The following PDPR variants were observed in gnomAD, a reference collection of about 807,000 sequenced individuals.
PDPR encodes the protein pyruvate dehydrogenase phosphatase regulatory subunit, also known as pyruvate dehydrogenase phosphatase regulatory subunit, mitochondrial.
Under a neutral mutation model 102.2 loss-of-function variants are expected in PDPR, and 50 were observed. That is an observed-to-expected ratio of 0.49 (90% CI 0.39 to 0.62). The LOEUF is 0.62. Among genes scored for constraint, PDPR ranks in the 20% least tolerant of loss-of-function variants. The probability of loss-of-function intolerance (pLI) is 0.00; values close to 1 mark genes in which losing one functional copy is unlikely to be tolerated. For missense variants in PDPR, 625 were observed against 1,098.2 expected (o/e 0.57, Z 6.09); for synonymous variants, 259 against 406.0 (o/e 0.64, Z 4.35).
chr16:70,142,388 G>T lies in PDPR; in HGVS notation c.1470G>T (p.Lys490Asn), dbSNP rs374606026. The change falls in exon 12 of 19, where the codon AAG becomes AAT. Residue 490 changes from lysine (K) to asparagine (N), a missense_variant and splice_region_variant. Physicochemically the swap from Lys to Asn is moderately conservative, Grantham distance 94. Transcript: ENST00000288050. The stretch of plus-strand genomic sequence containing the variant: ...CAAAGTACTTTGTTCCCCCCGACAA[G>T]GGTAAGAAGTCACATTCTCATTTTT... ...ERPKYFVPPD[K>N]DLLALEQSKT... 40 of 1,613,824 alleles carry T rather than the reference G, an allele frequency of 2.5e-5. No individual in the cohort carries two copies. The African/African-American group carries it at 4.9e-4, about 20-fold the overall frequency.
intron 9 of PDPR, among the ~76,000 whole-genome samples, chr16:70,135,052 G>A (rs1964971728): frequency 6.6e-6 from 1 of 152,190 alleles, no homozygotes; most frequent in African/African-American, 2.4e-5. Flanking sequence ...GGCGAGACTG[G>A]AGACTATGTG....
intron 17 of PDPR, among the ~76,000 whole-genome samples, chr16:70,152,586 A>G (rs1480168927): frequency 6.6e-6 from 1 of 152,290 alleles, no homozygotes; most frequent in Non-Finnish European, 1.5e-5. Flanking sequence ...GTTCAGCTAC[A>G]GTGGTGCAGT....
At chr16:70,124,890 T>C (rs1402880976) in intron 3 of PDPR, among the ~76,000 whole-genome samples, 1 of 152,276 alleles carries the variant, frequency 6.6e-6, no homozygotes, top group Non-Finnish European at 1.5e-5. Context: ...GATAAATAAT[T>C]TGGGGAAAAT....
At chr16:70,133,848 C>G (rs1179380688) in intron 9 of PDPR, among the ~76,000 whole-genome samples, 1 of 152,210 alleles carries the variant, frequency 6.6e-6, no homozygotes, top group Non-Finnish European at 1.5e-5. Flanking sequence ...ATTCTCCTGC[C>G]TCAGCCTCCT....
intron 11 of PDPR, among the ~76,000 whole-genome samples, chr16:70,139,300 G>T (rs1965480833): frequency 1.3e-5 from 2 of 152,252 alleles, no homozygotes; most frequent in African/African-American, 4.8e-5. Context: ...AATATTCTAA[G>T]CAATGCCTTC....
intron 3 of PDPR, among the ~76,000 whole-genome samples, chr16:70,121,427 C>G (rs896428344): frequency 2.0e-5 from 3 of 151,664 alleles, no homozygotes; most frequent in Admixed American, 2.0e-4. Flanking sequence ...CATGGTGGCT[C>G]ACACTTGTAA....
intron 2 of PDPR, among the ~76,000 whole-genome samples, chr16:70,117,741 A>T (rs998390146): frequency 1.3e-5 from 2 of 152,142 alleles, no homozygotes; most frequent in African/African-American, 4.8e-5. Context: ...TAAGAACCAG[A>T]GTGTGAAGGA....
rs758873559 is a variant in PDPR at position 70,156,504 on chromosome 16, C to A, written c.2265C>A (p.Leu755=). Residue 755 remains leucine (L), a synonymous_variant, in exon 19 of 19, where the codon CTC becomes CTA. Coordinates refer to ENST00000288050, the MANE Select transcript of PDPR (RefSeq NM_017990.5). ...KGMDFIGRDA[L]LQQKQNGVYK... ...TGGATTTCATTGGTCGCGACGCCCT[C>A]CTGCAGCAGAAGCAGAATGGAGTGT... 1 of 1,613,978 alleles carries A rather than the reference C, an allele frequency of 6.2e-7. No homozygotes were observed. The highest frequency in any genetic ancestry group is 1.1e-5 in the South Asian group (1 of 91,088).
downstream of PDPR, among the ~76,000 whole-genome samples, chr16:70,162,959 T>A (rs1967919979): frequency 6.6e-6 from 1 of 151,934 alleles, no homozygotes; most frequent in Non-Finnish European, 1.5e-5. Flanking sequence ...GTTCACTAAT[T>A]TTTTTTTTTG....
rs1276279159 is a variant in PDPR at position 70,158,632 on chromosome 16, G to A, written c.*1753G>A. On this transcript the variant is annotated 3_prime_UTR_variant, in exon 19 of 19. Transcript: ENST00000288050. ...TAGAATTCTGTTTGGGGGTCTAGTT[G>A]TCTTGGAGCAAGTATGTACTTAACT... is the stretch of plus-strand genomic sequence containing the variant. 6.6e-6 allele frequency: 1 copy of A among 152,636 alleles called. No homozygotes were observed. Among genetic ancestry groups the A allele is most frequent in the Non-Finnish European group, 1.5e-5 (1 of 68,326 alleles). 9.5% of individuals were successfully genotyped at this position (152,636 alleles called of 1,614,324 possible).
chr16:70,130,272 A>ATC (rs1964404776), intron 6 of PDPR, 151 bp from the exon 7 acceptor site: 1 of 1,033,654 alleles, frequency 9.7e-7, no homozygotes, highest in African/African-American at 1.7e-5. Flanking sequence ...TTGGCGACAA[A>ATC]GCAAGACTCC....
intron 3 of PDPR, among the ~76,000 whole-genome samples, chr16:70,123,961 A>C (rs1296739784): frequency 6.6e-6 from 1 of 152,238 alleles, no homozygotes; most frequent in Non-Finnish European, 1.5e-5. Flanking sequence ...AGGCTGAGGT[A>C]GGAAAATCAC....
In PDPR at chr16:70,156,882, C is replaced by A. The variant is rs948343146; in HGVS notation, c.*3C>A. ...TGAGTGACTTACATGGGAAGTGATG[C>A]CACCAGGGCAGCCTCACCTCCTCCC... On this transcript the variant is annotated 3_prime_UTR_variant, in exon 19 of 19. Coordinates refer to ENST00000288050, the MANE Select transcript of PDPR (RefSeq NM_017990.5). 4.3e-6 allele frequency: 7 copies of A among 1,612,324 alleles called. No individual in the cohort carries two copies. The African/African-American group carries it at 6.7e-5, about 15-fold the overall frequency.
At chr16:70,162,563 C>G (rs975737891), downstream of PDPR, 1 of 152,512 alleles carries the variant, frequency 6.6e-6, no homozygotes, top group Non-Finnish European at 1.5e-5. Flanking sequence ...TGTTCTTCAT[C>G]TGTAGTGACT....
chr16:70,160,942 C>G lies in PDPR; in HGVS notation c.*4063C>G, dbSNP rs1967724234. 6.6e-6 allele frequency: 1 copy of G among 152,474 alleles called. No homozygotes were observed. Among genetic ancestry groups the G allele is most frequent in the Non-Finnish European group, 1.5e-5 (1 of 68,186 alleles). The allele number at this position is 152,474 out of a possible 1,614,324, so 9.4% of individuals were successfully genotyped here. On this transcript the variant is annotated 3_prime_UTR_variant, in exon 19 of 19. Transcript: ENST00000288050. ...TGAGTCTACACCACTTTTTGAGAAC[C>G]TGAAATAGAAGGGAATCTTCTGTGG...
intron 11 of PDPR, among the ~76,000 whole-genome samples, chr16:70,140,454 T>C (rs1965593104): frequency 6.6e-6 from 1 of 152,250 alleles, no homozygotes; most frequent in Non-Finnish European, 1.5e-5. Context: ...TAATTGAGCT[T>C]GAGCTTCTGC....
chr16:70,151,917 T>C (rs1414179748), intron 17 of PDPR, among the ~76,000 whole-genome samples: 1 of 152,288 alleles, frequency 6.6e-6, no homozygotes, highest in African/African-American at 2.4e-5. Flanking sequence ...GGAACTACTC[T>C]TTGAGTAAAT....
At chr16:70,151,904 T>C (rs1224117785) in intron 17 of PDPR, among the ~76,000 whole-genome samples, 1 of 152,190 alleles carries the variant, frequency 6.6e-6, no homozygotes, top group Non-Finnish European at 1.5e-5. Context: ...GAGTAAATGG[T>C]GGGGAACTAC....
chr16:70,138,494 G>A (rs1006370137), intron 10 of PDPR, among the ~76,000 whole-genome samples: 1 of 152,160 alleles, frequency 6.6e-6, no homozygotes, highest in African/African-American at 2.4e-5. Flanking sequence ...TGGGATTACA[G>A]GTGTGAGCCA....
Sources: allele counts gnomAD v4.1 joint callset (sites outside exome capture counted in the v4.1 genomes callset), GRCh38; gene constraint gnomAD v4.1.1; transcripts MANE v1.5; gene names NCBI Gene and HGNC (gene_info 2026-07-23, HGNC 2026-07-21).